LRRC9: variants seen among roughly 807,000 people sequenced by gnomAD.
The protein encoded by LRRC9 is leucine-rich repeat-containing protein 9.
Under a neutral mutation model 63.2 loss-of-function variants are expected in LRRC9, and 122 were observed. That is an observed-to-expected ratio of 1.93 (90% confidence interval 1.67 to 2.24). The LOEUF (loss-of-function observed/expected upper bound fraction) is 2.24, where lower values mean the gene tolerates loss of function less well. Among genes scored for constraint, LRRC9 ranks in the 30% most tolerant of loss-of-function variants. LRRC9 has a pLI of 0.00. For synonymous variants in LRRC9, 366 were observed against 213.1 expected, an observed-to-expected ratio of 1.72 and a Z score of -6.25; for missense variants, 1,071 against 627.7, an observed-to-expected ratio of 1.71 and a Z score of -7.55.
intron 29 of LRRC9, among the ~76,000 whole-genome samples, chr14:60,052,672 A>C (rs1397386560): frequency 6.6e-6 from 1 of 152,242 alleles, no homozygotes; most frequent in African/African-American, 2.4e-5. Context: ...GAGTAGGTTG[A>C]TACTATGAAG....
intron 7 of LRRC9, among the ~76,000 whole-genome samples, chr14:59,940,559 T>C (rs1282379636): frequency 6.6e-6 from 1 of 152,094 alleles, no homozygotes; most frequent in Non-Finnish European, 1.5e-5. Flanking sequence ...ATCAGAAGAC[T>C]TGGATTCAAG....
rs1298122077 is a variant in LRRC9 at position 60,031,635 on chromosome 14, A to G, written c.3922-360A>G. 1.3e-5 allele frequency among the ~76,000 whole-genome samples: 2 copies of G among 152,030 alleles called. No individual in the cohort carries two copies. The highest frequency in any genetic ancestry group is 2.9e-5 in the Non-Finnish European group (2 of 67,950). The stretch of plus-strand genomic sequence containing the variant: ...AATTATGTACCTTTAAAATTTTTAG[A>G]TTTGATTCACCTTTTCCATACTTTC... On this transcript the variant is annotated intron_variant, in intron 28 of 31. Coordinates refer to ENST00000445360, the Ensembl canonical transcript of LRRC9. This position sits in a 1 kb window ranked among gnomAD's most constrained non-coding sequence, Gnocchi z 4.6.
At chr14:59,982,101 G>T in intron 16 of LRRC9, 41 bp downstream of exon 16, 1 of 664,846 alleles carries the variant, frequency 1.5e-6, no homozygotes, top group Non-Finnish European at 2.7e-6. Flanking sequence ...CAGGAATCTT[G>T]AATTTGGAAT....
intron 8 of LRRC9, among the ~76,000 whole-genome samples, chr14:59,948,086 A>G (rs1882665026): frequency 8.5e-6 from 1 of 117,570 alleles, no homozygotes; most frequent in Non-Finnish European, 1.7e-5. Flanking sequence ...TGAATCTGTA[A>G]ATTACCTTGG....
Position 60,053,871 on chromosome 14 carries a change from A to G in LRRC9, c.4131+666A>G, listed in dbSNP as rs979017484. On this transcript the variant is annotated intron_variant, in intron 30 of 31. Transcript: ENST00000445360. The surrounding 1 kb of genome is among the most constrained non-coding windows in gnomAD (Gnocchi z 4.8). ...AACACAGAAAATCTATGGTTTTTGA[A>G]CAGAGAAGTAACATTATTAGAATGC... 2 of 448,654 alleles carry G rather than the reference A, an allele frequency of 4.5e-6. No individual in the cohort carries two copies. The highest frequency in any genetic ancestry group is 8.9e-6 in the Non-Finnish European group (2 of 225,060). The allele number at this position is 448,654 out of a possible 1,614,324, so 27.8% of individuals were successfully genotyped here. A position where few individuals can be genotyped will look rare whatever the true frequency, so the allele number is the denominator to read the frequency against.
rs188875231 is a variant in LRRC9, at chr14:60,048,237, C to G, written c.3991-4828C>G. On this transcript the variant is annotated intron_variant, in intron 29 of 31. Coordinates refer to ENST00000445360, the Ensembl canonical transcript of LRRC9. The stretch of plus-strand genomic sequence containing the variant: ...ACATCACAACCAAAAGAACTAGAAA[C>G]CAAGAGCAAACAGACACCAAAGCTA... Among the ~76,000 whole-genome samples the G allele has an allele frequency of 5.5e-3, 832 of 151,920 alleles. 9 individuals carry two copies. Among genetic ancestry groups the G allele is most frequent in the African/African-American group, 0.019 (800 of 41,438 alleles).
intron 10 of LRRC9, among the ~76,000 whole-genome samples, chr14:59,965,256 GCTC>G (rs984782675): frequency 2.8e-4 from 42 of 152,228 alleles, no homozygotes; most frequent in African/African-American, 8.9e-4. Context: ...GCTGGCCCCT[GCTC>G]CTCCTCCTCC....
At chr14:59,992,166 T>G (rs538230973) in intron 17 of LRRC9, among the ~76,000 whole-genome samples, 6 of 152,306 alleles carry the variant, frequency 3.9e-5, no homozygotes, top group Non-Finnish European at 5.9e-5. Flanking sequence ...ATATCCACTG[T>G]TATGCAGCCT....
In LRRC9 at chr14:60,049,158, C is replaced by T. The variant is rs115328701; in HGVS notation, c.3991-3907C>T. Among the ~76,000 whole-genome samples, 547 of 152,258 alleles carry T rather than the reference C, an allele frequency of 3.6e-3. 5 individuals carry two copies. The highest frequency in any genetic ancestry group is 0.013 in the African/African-American group (523 of 41,544). The stretch of plus-strand genomic sequence containing the variant: ...TCAAAATAATAAGAGCCATATATTA[C>T]AATCTCCCAACCAATATCATACTGA... On this transcript the variant is annotated intron_variant, in intron 29 of 31. Transcript: ENST00000445360.
chr14:60,030,785 A>G (rs2140325558), intron 28 of LRRC9, among the ~76,000 whole-genome samples: 1 of 152,104 alleles, frequency 6.6e-6, no homozygotes, highest in African/African-American at 2.4e-5. Flanking sequence ...AATTCCTAAA[A>G]ATTTACCAAT....
At chr14:60,066,295 A>AT (rs1894882603), downstream of LRRC9, among the ~76,000 whole-genome samples, 2 of 152,106 alleles carry the variant, frequency 1.3e-5, no homozygotes, top group Admixed American at 1.3e-4. Context: ...TTCACTCTTC[A>AT]TAAGCTATCT....
intron 29 of LRRC9, among the ~76,000 whole-genome samples, chr14:60,046,137 ATTTG>A (rs1200226879): frequency 6.6e-6 from 1 of 151,940 alleles, no homozygotes; most frequent in Non-Finnish European, 1.5e-5. Context: ...TTTCTTGTAA[ATTTG>A]TTTAAGTTCC....
intron 6 of LRRC9, among the ~76,000 whole-genome samples, chr14:59,935,463 A>G (rs998453517): frequency 6.6e-6 from 1 of 152,224 alleles, no homozygotes; most frequent in African/African-American, 2.4e-5. Context: ...GCATTTAGAT[A>G]ATGTGTACCA....
chr14:60,052,649 T>C (rs963069329), intron 29 of LRRC9, among the ~76,000 whole-genome samples: 1 of 152,222 alleles, frequency 6.6e-6, no homozygotes, highest in Non-Finnish European at 1.5e-5. Flanking sequence ...GTTAAATCCC[T>C]CTCAAATTTT....
At chr14:59,988,979 T>C (rs1887773883) in intron 17 of LRRC9, among the ~76,000 whole-genome samples, 1 of 152,180 alleles carries the variant, frequency 6.6e-6, no homozygotes, top group South Asian at 2.1e-4. Flanking sequence ...CATTTTCTTC[T>C]ATCACAAAGT....
At chr14:60,019,499 G>GA (rs968827915) in intron 26 of LRRC9, among the ~76,000 whole-genome samples, 14 of 151,546 alleles carry the variant, frequency 9.2e-5, no homozygotes, top group African/African-American at 2.9e-4. Flanking sequence ...TGAATAAAGG[G>GA]AAAAAACCAA....
intron 24 of LRRC9, 150 bp from the exon 25 acceptor site, chr14:60,018,221 C>A: frequency 1.7e-6 from 1 of 572,978 alleles, no homozygotes; most frequent in Non-Finnish European, 3.1e-6. Flanking sequence ...ATCATTTAAC[C>A]AATTCATTTT....
At chr14:59,946,841 AT>A in intron 8 of LRRC9, among the ~76,000 whole-genome samples, 1 of 137,642 alleles carries the variant, frequency 7.3e-6, no homozygotes, top group Middle Eastern at 3.6e-3. Context: ...TGAACTCATC[AT>A]TTTTTATGGC....
intron 30 of LRRC9, among the ~76,000 whole-genome samples, chr14:60,056,207 G>A (rs1323208042): frequency 6.6e-6 from 1 of 152,158 alleles, no homozygotes; most frequent in Non-Finnish European, 1.5e-5. Context: ...TTAGGATGTA[G>A]ATATCTTTAG....
Sources: allele counts gnomAD v4.1 joint callset (sites outside exome capture counted in the v4.1 genomes callset), GRCh38; gene constraint gnomAD v4.1.1; non-coding constraint Gnocchi (gnomAD v3.1); transcripts MANE v1.5; gene names NCBI Gene and HGNC (gene_info 2026-07-23, HGNC 2026-07-21).